Variants in KIF6 observed in about 807,000 individuals in gnomAD.
KIF6 encodes the protein kinesin family member 6, also known as kinesin-like protein KIF6.
In KIF6, 106 loss-of-function variants were observed where a neutral mutation model predicts 112.7. The ratio of observed to expected loss-of-function variants is 0.94; its 90% CI spans 0.80 to 1.11. The LOEUF is 1.11. Ranked by LOEUF, KIF6 falls within the 50% of genes least tolerant of loss-of-function variation. The probability of loss-of-function intolerance (pLI) is 0.00; values close to 1 mark genes in which losing one functional copy is unlikely to be tolerated. For missense variants in KIF6, 929 were observed against 964.0 expected, an observed-to-expected ratio of 0.96 and a Z score of 0.48; for synonymous variants, 339 against 339.9, an observed-to-expected ratio of 1.00 and a Z score of 0.03.
At chr6:39,714,375 C>G (rs1265824862) in intron 3 of KIF6, among the ~76,000 whole-genome samples, 1 of 151,532 alleles carries the variant, frequency 6.6e-6, no homozygotes, top group East Asian at 1.9e-4. Flanking sequence ...TCATCTAGGA[C>G]TCTGCCACCA....
At chr6:39,576,452 C>T (rs1275838576) in intron 10 of KIF6, among the ~76,000 whole-genome samples, 1 of 152,172 alleles carries the variant, frequency 6.6e-6, no homozygotes, top group Admixed American at 6.5e-5. Context: ...TCAGTTTCCC[C>T]CTTCCCATCT....
At position 39,720,706 on chromosome 6, in the gene KIF6, A is replaced by G; in HGVS notation, c.172T>C (p.Phe58Leu). The change falls in exon 2 of 23, where the codon TTT becomes CTT. Residue 58 changes from phenylalanine (F) to leucine (L), a missense_variant. Around this residue, in one of 2 missense-constraint regions of KIF6, gnomAD observed 688 missense variants for 662.7 expected, o/e 1.04. Coordinates refer to ENST00000287152, the MANE Select transcript of KIF6 (RefSeq NM_145027.6). ...FVNNKRESYKFKFQRIFDQDA... is the reference protein window; with the variant it reads ...FVNNKRESYKLKFQRIFDQDA... ...AAAGGAGAAAGAAAAACTTACTTAA[A>G]TTTGTAGCTTTCTCGCTTATTATTC... 1 of 1,546,702 alleles carries G rather than the reference A, an allele frequency of 6.5e-7. No homozygotes were observed.
At chr6:39,552,139 T>G (rs1255951816) in intron 10 of KIF6, among the ~76,000 whole-genome samples, 4 of 152,204 alleles carry the variant, frequency 2.6e-5, no homozygotes, top group Non-Finnish European at 5.9e-5. Flanking sequence ...ACACATCTTT[T>G]CAGTTCGGAA....
rs534568794 is a variant in KIF6 at position 39,399,936 on chromosome 6, G to A, written c.1811-14264C>T. Among the ~76,000 whole-genome samples, 7 of 152,360 alleles carry A rather than the reference G, an allele frequency of 4.6e-5. No homozygotes were observed. The East Asian group carries it at 5.8e-4, about 13-fold the overall frequency. ...AGCAATGGCACCATTAGAGGATAGC[G>A]TGCCCAGCAGGCAGCAGCCCCTATA... On this transcript the variant is annotated intron_variant, in intron 15 of 22. Coordinates refer to ENST00000287152, the MANE Select transcript of KIF6 (RefSeq NM_145027.6).
intron 5 of KIF6, among the ~76,000 whole-genome samples, chr6:39,633,208 G>T (rs1313414204): frequency 1.3e-5 from 2 of 152,098 alleles, no homozygotes; most frequent in Non-Finnish European, 2.9e-5. Context: ...GTTTTGAAAT[G>T]AGAGTGTAGA....
chr6:39,531,892 A>C (rs1046676444), intron 13 of KIF6, among the ~76,000 whole-genome samples: 2 of 151,948 alleles, frequency 1.3e-5, no homozygotes, highest in Non-Finnish European at 1.5e-5. Flanking sequence ...CCTTCTTCCC[A>C]TGTCAATCAA....
At chr6:39,493,931 G>T (rs1361954448) in intron 13 of KIF6, among the ~76,000 whole-genome samples, 1 of 152,088 alleles carries the variant, frequency 6.6e-6, no homozygotes, top group Non-Finnish European at 1.5e-5. Context: ...TGAGGTCTTG[G>T]CATCTTTTAT....
chr6:39,336,627 G>T lies in KIF6; in HGVS notation c.2429-79C>A. ...TTCCCAGGATTGAATCGGGGGGAGG[G>T]GAGGCCACCAGCCACTCCCCCTGGG... On this transcript the variant is annotated intron_variant, in intron 22 of 22. Transcript: ENST00000287152. 3 of 1,347,996 alleles carry T rather than the reference G, an allele frequency of 2.2e-6. No homozygotes were observed. The East Asian group carries it at 6.9e-5, about 31-fold the overall frequency. 83.5% of individuals were successfully genotyped at this position (1,347,996 alleles called of 1,614,324 possible).
At chr6:39,590,451 A>ATATATATATTTTT (rs1338373703) in intron 7 of KIF6, among the ~76,000 whole-genome samples, 1 of 84,778 alleles carries the variant, frequency 1.2e-5, no homozygotes, top group African/African-American at 5.1e-5. Flanking sequence ...ATATATATAT[A>ATATATATATTTTT]TTTTTTTTTT....
chr6:39,663,597 T>G (rs1181214831), intron 3 of KIF6, among the ~76,000 whole-genome samples: 1 of 151,958 alleles, frequency 6.6e-6, no homozygotes, highest in Non-Finnish European at 1.5e-5. Context: ...ATGAGGGGAA[T>G]TTATAAAATA....
intron 3 of KIF6, among the ~76,000 whole-genome samples, chr6:39,641,741 G>A (rs752796062): frequency 3.3e-5 from 5 of 151,768 alleles, no homozygotes; most frequent in Non-Finnish European, 7.4e-5. Flanking sequence ...TATAGACTAC[G>A]AAAAGTGAGT....
chr6:39,586,350 T>C lies in KIF6; in HGVS notation c.901A>G (p.Met301Val), dbSNP rs36103565. 118 of 1,613,936 alleles carry C rather than the reference T, an allele frequency of 7.3e-5. No homozygotes were observed. In the African/African-American group the frequency reaches 1.4e-3, roughly 19 times the overall value. The change falls in exon 8 of 23, where the codon ATG becomes GTG. Residue 301 changes from methionine (M) to valine (V), a missense_variant. By Grantham distance (21) the Met-to-Val change is conservative. Around this residue, in one of 2 missense-constraint regions of KIF6, gnomAD observed 688 missense variants for 662.7 expected, o/e 1.04. Transcript: ENST00000287152. ...CTGTCTCTTAGGACACTGGTCATCA[T>C]GGAGTTTCTATAAGGAATGTGCGAA... ...HRSHIPYRNS[M>V]MTSVLRDSLG...
chr6:39,373,310 A>T (rs1766175462), intron 16 of KIF6, among the ~76,000 whole-genome samples: 1 of 152,234 alleles, frequency 6.6e-6, no homozygotes, highest in Admixed American at 6.5e-5. Context: ...AAGAAAGAGT[A>T]ATCAATGGTG....
At chr6:39,675,276 A>G (rs939894716) in intron 3 of KIF6, among the ~76,000 whole-genome samples, 2 of 152,078 alleles carry the variant, frequency 1.3e-5, no homozygotes, top group Non-Finnish European at 2.9e-5. Flanking sequence ...GGCTTTATAA[A>G]CCTGAAGCTA....
chr6:39,361,175 G>A (rs182952454), intron 17 of KIF6, among the ~76,000 whole-genome samples: 12 of 152,262 alleles, frequency 7.9e-5, no homozygotes, highest in African/African-American at 2.9e-4. Context: ...CAATAGCCAG[G>A]CCGAAGAGAT....
intron 9 of KIF6, among the ~76,000 whole-genome samples, chr6:39,579,383 A>G (rs1781162249): frequency 6.6e-6 from 1 of 151,958 alleles, no homozygotes; most frequent in Admixed American, 6.6e-5. Flanking sequence ...TCCTTGCTCA[A>G]ATTATTTATT....
intron 13 of KIF6, among the ~76,000 whole-genome samples, chr6:39,447,427 C>G (rs1039130330): frequency 1.3e-5 from 2 of 152,028 alleles, no homozygotes; most frequent in Non-Finnish European, 2.9e-5. Context: ...AACAATTTCC[C>G]CCACTGGATT....
chr6:39,664,701 G>A (rs904276936), intron 3 of KIF6, among the ~76,000 whole-genome samples: 1 of 152,100 alleles, frequency 6.6e-6, no homozygotes, highest in Non-Finnish European at 1.5e-5. Flanking sequence ...AGAAGTTAGA[G>A]ACGCTTTTTT....
chr6:39,637,060 T>A (rs1784654708), intron 4 of KIF6, among the ~76,000 whole-genome samples: 1 of 152,062 alleles, frequency 6.6e-6, no homozygotes, highest in Non-Finnish European at 1.5e-5. Flanking sequence ...AGTTATTGTT[T>A]TTATTATTAT....
Sources: allele counts gnomAD v4.1 joint callset (sites outside exome capture counted in the v4.1 genomes callset), GRCh38; gene constraint gnomAD v4.1.1; regional missense constraint gnomAD v4.1.1; transcripts MANE v1.5; gene names NCBI Gene and HGNC (gene_info 2026-07-23, HGNC 2026-07-21).